RASIP1: variants seen among roughly 807,000 people sequenced by gnomAD.
The protein encoded by RASIP1 is ras-interacting protein 1.
In RASIP1, 20 loss-of-function variants were observed where a neutral mutation model predicts 85.3. The ratio of observed to expected loss-of-function variants is 0.23; its 90% CI spans 0.17 to 0.34. The LOEUF is 0.34. RASIP1 is among the 10% of genes least tolerant of loss of function. The pLI, the probability that RASIP1 is intolerant of heterozygous loss-of-function variation, is 1.00. For synonymous variants in RASIP1, 617 were observed against 647.1 expected (o/e 0.95, Z 0.71); for missense variants, 1,170 against 1,390.9 (o/e 0.84, Z 2.53).
chr19:48,726,262 C>T (rs973123246), intron 8 of RASIP1, among the ~76,000 whole-genome samples: 4 of 151,576 alleles, frequency 2.6e-5, no homozygotes, highest in East Asian at 2.0e-4. Flanking sequence ...CGCTCCATCT[C>T]CCGGGTTGGA....
intron 4 of RASIP1, among the ~76,000 whole-genome samples, chr19:48,734,308 T>C (rs904446061): frequency 8.6e-5 from 13 of 151,658 alleles, no homozygotes; most frequent in African/African-American, 3.1e-4. Context: ...AAAAAAAGTT[T>C]ATTAAAAAAA....
At chr19:48,732,661 G>C (rs965978501) in intron 4 of RASIP1, among the ~76,000 whole-genome samples, 1 of 152,112 alleles carries the variant, frequency 6.6e-6, no homozygotes, top group Admixed American at 6.6e-5. Flanking sequence ...TCCCAAAAGA[G>C]ACCTTCGTGT....
rs146711212 is a variant in RASIP1 at position 48,726,613 on chromosome 19, G to A, written c.2127+172C>T. The stretch of plus-strand genomic sequence containing the variant: ...GGTGTCAGAACAGCAAAGTCCTTGG[G>A]TGAGATGGGATGTCATGTCAGAGAA... On this transcript the variant is annotated intron_variant, in intron 8 of 11. Transcript: ENST00000222145. 2.6e-3 allele frequency among the ~76,000 whole-genome samples: 403 copies of A among 152,346 alleles called. 3 individuals are homozygous for A. Among genetic ancestry groups the A allele is most frequent in the Admixed American group, 4.4e-3 (67 of 15,294 alleles).
intron 11 of RASIP1, 129 bp from the exon 12 acceptor site, chr19:48,721,126 G>T: frequency 1.2e-6 from 1 of 800,150 alleles, no homozygotes; most frequent in South Asian, 1.9e-5. Context: ...CCTGGGGCGG[G>T]GTCCGTTCAC....
In RASIP1 at chr19:48,729,521, C is replaced by A. The variant is rs557995225; in HGVS notation, c.1249G>T (p.Gly417Trp). 7 of 1,598,962 alleles carry A rather than the reference C, an allele frequency of 4.4e-6. No homozygotes were observed. The highest frequency in any genetic ancestry group is 1.7e-4 in the Middle Eastern group (1 of 6,054). The change falls in exon 5 of 12, where the codon GGG becomes TGG. Residue 417 changes from glycine (G) to tryptophan (W), a missense_variant. By Grantham distance (184) the Gly-to-Trp change is radical. This residue lies in a region of RASIP1 where 301 missense variants were observed against 294.8 expected (regional missense o/e 1.02). Transcript: ENST00000222145. ...TCCACATAGGGAGCCGGGGACCCCC[C>A]GCGGCCAGACGAGTTCCCACCTCGC... ...FGRGGNSSGR[G>W]GSPAPYVDTF...
chr19:48,724,419 A>G lies in RASIP1; in HGVS notation c.2462T>C (p.Leu821Pro). The G allele has an allele frequency of 6.2e-7, 1 of 1,614,216 alleles. No homozygotes were observed. Among genetic ancestry groups the G allele is most frequent in the South Asian group, 1.1e-5 (1 of 91,076 alleles). The change falls in exon 10 of 12, where the codon CTG becomes CCG. Residue 821 changes from leucine to proline, a missense_variant. Transcript: ENST00000222145. This position sits in a 1 kb window ranked among gnomAD's most constrained non-coding sequence, Gnocchi z 4.6. ...GAAGAACTCAGTGGCAATGTCGCCC[A>G]GCCCAGCTCCCTGTAGCCAGTCCAA... Reference protein sequence around the residue: ...LVLDWLQGAGLGDIATEFFRK... With the variant: ...LVLDWLQGAGPGDIATEFFRK...
At position 48,724,590 on chromosome 19, in the gene RASIP1, C is replaced by T. The variant is rs1568475707; in HGVS notation, c.2372-81G>A. 6.4e-7 allele frequency: 1 copy of T among 1,574,182 alleles called. No homozygotes were observed. The highest frequency in any genetic ancestry group is 8.7e-7 in the Non-Finnish European group (1 of 1,154,894). On this transcript the variant is annotated intron_variant, in intron 9 of 11. Transcript: ENST00000222145. The surrounding 1 kb of genome is among the most constrained non-coding windows in gnomAD (Gnocchi z 4.6). ...CTCCCAGACTCTTCCTATCCTTCAG[C>T]CTGGGATCTGGAGCTTGTTCTCCAG...
Position 48,729,492 on chromosome 19 carries a change from G to A in RASIP1, c.1278C>T (p.Thr426=), listed in dbSNP as rs773387592. 1 of 1,589,118 alleles carries A rather than the reference G, an allele frequency of 6.3e-7. No individual in the cohort carries two copies. The highest frequency in any genetic ancestry group is 1.1e-5 in the South Asian group (1 of 87,456). Residue 426 remains threonine, a synonymous_variant, in exon 5 of 12, where the codon ACC becomes ACT. Coordinates refer to ENST00000222145, the MANE Select transcript of RASIP1 (RefSeq NM_017805.3). ...RGGSPAPYVD[T]FLNAPDILPR... ...GCAGGATGTCCGGGGCGTTGAGGAA[G>A]GTGTCCACATAGGGAGCCGGGGACC...
chr19:48,722,300 ATTTTTTTTTT>A (rs71179038), intron 10 of RASIP1, among the ~76,000 whole-genome samples: 1 of 98,334 alleles, frequency 1.0e-5, no homozygotes, highest in Non-Finnish European at 2.0e-5. Context: ...GTACTTGGGG[ATTTTTTTTTT>A]TTTTTTTTTT....
intron 3 of RASIP1, among the ~76,000 whole-genome samples, 184 bp from the exon 4 acceptor site, chr19:48,735,735 C>T (rs920926629): frequency 6.6e-6 from 1 of 152,096 alleles, no homozygotes; most frequent in African/African-American, 2.4e-5. Context: ...TAATACCCAT[C>T]TTGCAGTTTT....
At chr19:48,737,854 A>G in intron 3 of RASIP1, 23 of 979,702 alleles carry the variant, frequency 2.3e-5, no homozygotes, top group Non-Finnish European at 2.8e-5. Flanking sequence ...TCTGCTCTGC[A>G]TCGCTCCCAA....
At position 48,738,690 on chromosome 19, in the gene RASIP1, C is replaced by G. The variant is rs1167426064; in HGVS notation, c.823+270G>C. 15 of 311,038 alleles carry G rather than the reference C, an allele frequency of 4.8e-5. No homozygotes were observed. Among genetic ancestry groups the G allele is most frequent in the Non-Finnish European group, 7.9e-5 (14 of 177,906 alleles). The allele number at this position is 311,038 out of a possible 1,614,324, so 19.3% of individuals were successfully genotyped here. Reference sequence around the variant, plus strand: ...GCCACCACCAGCAACCAGCCCCCGTCCCGCCTAAGCCCCAAGCTTGGCCCC... The same window carrying G: ...GCCACCACCAGCAACCAGCCCCCGTGCCGCCTAAGCCCCAAGCTTGGCCCC... On this transcript the variant is annotated intron_variant, in intron 3 of 11. Coordinates refer to ENST00000222145, the MANE Select transcript of RASIP1 (RefSeq NM_017805.3). The surrounding 1 kb of genome is among the most constrained non-coding windows in gnomAD (Gnocchi z 4.0).
At chr19:48,722,123 C>T in intron 10 of RASIP1, 122 bp from the exon 11 acceptor site, 1 of 968,634 alleles carries the variant, frequency 1.0e-6, no homozygotes, top group Non-Finnish European at 1.4e-6. Context: ...GCAGTGTCTT[C>T]TGGGCACTGT....
chr19:48,728,147 C>G (rs1025357195), intron 5 of RASIP1, among the ~76,000 whole-genome samples: 5 of 152,138 alleles, frequency 3.3e-5, no homozygotes, highest in African/African-American at 1.2e-4. Flanking sequence ...GGCCCTAGCT[C>G]AATAGGATGG....
chr19:48,724,864 G>A lies in RASIP1; in HGVS notation c.2224C>T (p.Pro742Ser). The A allele has an allele frequency of 1.2e-6, 2 of 1,614,254 alleles. No homozygotes were observed. Among genetic ancestry groups the A allele is most frequent in the Non-Finnish European group, 1.7e-6 (2 of 1,180,052 alleles). ...GPGAELGAMP[P>S]GLRPTLGVFQ... ...ACGCCCAGGGTAGGTCTCAATCCTG[G>A]AGGCATGGCCCCCAGCTCCGCGCCA... Residue 742 changes from proline (P) to serine (S), a missense_variant, in exon 9 of 12, where the codon CCA (proline) becomes TCA (serine). By Grantham distance (74) the Pro-to-Ser change is moderately conservative. Coordinates refer to ENST00000222145, the MANE Select transcript of RASIP1 (RefSeq NM_017805.3). This position sits in a 1 kb window ranked among gnomAD's most constrained non-coding sequence, Gnocchi z 4.6.
chr19:48,721,057 G>C, intron 11 of RASIP1, 60 bp from the exon 12 acceptor site: 1 of 1,404,482 alleles, frequency 7.1e-7, no homozygotes, highest in African/African-American at 1.4e-5. Context: ...AGTTGCATCG[G>C]GAAGAGCCGA....
chr19:48,721,920 C>G lies in RASIP1; in HGVS notation c.2626G>C (p.Gly876Arg), dbSNP rs1362088597. 6.3e-7 allele frequency: 1 copy of G among 1,599,376 alleles called. No individual in the cohort carries two copies. Among genetic ancestry groups the G allele is most frequent in the Non-Finnish European group, 8.5e-7 (1 of 1,173,326 alleles). ...GCGGCTGGCGGCCCGCGGCCAGGGCCCAGCTGATAGTGGCTGAGCAGATGG... is the reference window on the plus strand; with the variant it reads ...GCGGCTGGCGGCCCGCGGCCAGGGCGCAGCTGATAGTGGCTGAGCAGATGG... ...LHHLLSHYQL[G>R]PGRGPPAAWD... The change falls in exon 11 of 12, where the codon GGC becomes CGC. Residue 876 changes from glycine (G) to arginine (R), a missense_variant. Coordinates refer to ENST00000222145, the MANE Select transcript of RASIP1 (RefSeq NM_017805.3).
In RASIP1 at chr19:48,724,839, A is replaced by G. The variant is rs764758039; in HGVS notation, c.2249T>C (p.Val750Ala). ...MPPGLRPTLG[V>A]FQAALELTSQ... is the part of the protein sequence containing the mutation. ...GGTCAGCTCCAAGGCTGCCTGGAAC[A>G]CGCCCAGGGTAGGTCTCAATCCTGG... is the stretch of plus-strand genomic sequence containing the variant. Residue 750 changes from valine (V) to alanine (A), a missense_variant, in exon 9 of 12, where the codon GTG becomes GCG. This residue lies in a region of RASIP1 where 426 missense variants were observed against 576.2 expected (regional missense o/e 0.74). Coordinates refer to ENST00000222145, the MANE Select transcript of RASIP1 (RefSeq NM_017805.3). The surrounding 1 kb of genome is among the most constrained non-coding windows in gnomAD (Gnocchi z 4.6). The G allele has an allele frequency of 1.9e-6, 3 of 1,614,206 alleles. No homozygotes were observed. In the East Asian group the frequency reaches 6.7e-5, roughly 36 times the overall value.
chr19:48,728,487 C>A (rs1377567914), intron 5 of RASIP1, among the ~76,000 whole-genome samples: 1 of 152,126 alleles, frequency 6.6e-6, no homozygotes, highest in Non-Finnish European at 1.5e-5. Context: ...CCCAAAACAC[C>A]GGGTGTGGTG....
Sources: gnomAD v4.1 joint callset for allele counts (sites outside exome capture counted in the v4.1 genomes callset) on GRCh38, gnomAD v4.1.1 for gene constraint, gnomAD v4.1.1 regional missense constraint, Gnocchi (gnomAD v3.1) non-coding constraint, MANE v1.5 for transcripts, NCBI Gene and HGNC (gene_info 2026-07-23, HGNC 2026-07-21) for gene names.